The following CNTNAP2 variants were observed in gnomAD, a reference collection of about 807,000 sequenced individuals.
CNTNAP2 encodes the protein contactin-associated protein-like 2.
In CNTNAP2, 98 loss-of-function variants were observed where a neutral mutation model predicts 155.2. That is an observed-to-expected ratio of 0.63 (90% CI 0.54 to 0.75). The LOEUF is 0.75. Among genes scored for constraint, CNTNAP2 ranks in the 30% least tolerant of loss-of-function variants. The pLI, the probability that CNTNAP2 is intolerant of heterozygous loss-of-function variation, is 0.00. For missense variants in CNTNAP2, 1,727 were observed against 1,688.1 expected (o/e 1.02, Z -0.40); for synonymous variants, 651 against 631.2 (o/e 1.03, Z -0.47).
chr7:146,436,919 T>C (rs1276099704), intron 1 of CNTNAP2, among the ~76,000 whole-genome samples: 1 of 151,500 alleles, frequency 6.6e-6, no homozygotes, highest in Admixed American at 6.6e-5. Context: ...TTTGTTGACA[T>C]TGTAGAAATA....
Position 147,667,810 on chromosome 7 carries a change from A to G in CNTNAP2, c.2098+28504A>G, listed in dbSNP as rs535089060. 3.2e-4 allele frequency among the ~76,000 whole-genome samples: 45 copies of G among 140,952 alleles called. 1 individual carries two copies. Among genetic ancestry groups the G allele is most frequent in the South Asian group, 8.5e-4 (4 of 4,698 alleles). 92.5% of individuals were successfully genotyped at this position (140,952 alleles called of 152,430 possible). A position where few individuals can be genotyped will look rare whatever the true frequency, so the allele number is the denominator to read the frequency against. On this transcript the variant is annotated intron_variant, in intron 13 of 23. Coordinates refer to ENST00000361727, the MANE Select transcript of CNTNAP2 (RefSeq NM_014141.6). ...GCTGCTGCTGCAAAAAAAAAAAATA[A>G]TAAAAAAAATAAAATAAAAAAATAA... is the stretch of plus-strand genomic sequence containing the variant.
At chr7:146,610,782 G>A (rs1443524910) in intron 1 of CNTNAP2, among the ~76,000 whole-genome samples, 1 of 152,136 alleles carries the variant, frequency 6.6e-6, no homozygotes, top group Non-Finnish European at 1.5e-5. Context: ...TCATCTGTTA[G>A]CACTTTAACA....
intron 1 of CNTNAP2, among the ~76,000 whole-genome samples, chr7:146,742,821 T>A (rs745856782): frequency 1.3e-5 from 2 of 152,182 alleles, no homozygotes; most frequent in Non-Finnish European, 1.5e-5. Context: ...AAATTGTGTG[T>A]CATTTTTAGG....
intron 2 of CNTNAP2, among the ~76,000 whole-genome samples, chr7:146,787,558 C>T (rs917851631): frequency 2.6e-5 from 4 of 152,092 alleles, no homozygotes; most frequent in Admixed American, 1.3e-4. Context: ...CAGACCTTCA[C>T]GGTGAGTGTT....
chr7:147,933,889 A>G (rs1417810740), intron 14 of CNTNAP2, among the ~76,000 whole-genome samples: 2 of 152,024 alleles, frequency 1.3e-5, no homozygotes, highest in African/African-American at 4.8e-5. Context: ...GAAAAAGAAA[A>G]AGGAGTCCTG....
chr7:147,228,760 A>G (rs1478884132), intron 8 of CNTNAP2, among the ~76,000 whole-genome samples: 1 of 152,026 alleles, frequency 6.6e-6, no homozygotes, highest in Non-Finnish European at 1.5e-5. Context: ...GCACCCATCA[A>G]CCCGTCATCT....
chr7:146,254,660 T>C (rs115136432), intron 1 of CNTNAP2, among the ~76,000 whole-genome samples: 6,313 of 152,244 alleles, frequency 0.041, 400 homozygotes, highest in African/African-American at 0.14. Flanking sequence ...TTATTGTACC[T>C]TTTTTTCTGG....
At chr7:147,620,979 A>G (rs902353733) in intron 12 of CNTNAP2, among the ~76,000 whole-genome samples, 16 of 152,208 alleles carry the variant, frequency 1.1e-4, no homozygotes, top group African/African-American at 3.9e-4. Flanking sequence ...TTCTAAAAGC[A>G]ACAAGAGAAA....
chr7:147,801,626 G>A (rs1239862417), intron 13 of CNTNAP2, among the ~76,000 whole-genome samples: 1 of 152,020 alleles, frequency 6.6e-6, no homozygotes, highest in African/African-American at 2.4e-5. Flanking sequence ...GTTTCAGAGA[G>A]CACAGGGTTG....
chr7:147,400,872 T>A (rs1796900997), intron 10 of CNTNAP2, among the ~76,000 whole-genome samples: 1 of 152,202 alleles, frequency 6.6e-6, no homozygotes. Flanking sequence ...TCTAAGTAAT[T>A]ATGAATTAAG....
chr7:146,781,917 C>T (rs554987896), intron 2 of CNTNAP2, among the ~76,000 whole-genome samples: 4 of 152,280 alleles, frequency 2.6e-5, no homozygotes, highest in South Asian at 2.1e-4. Context: ...TGGCCTAGCT[C>T]CTCCTGCTGG....
intron 8 of CNTNAP2, among the ~76,000 whole-genome samples, chr7:147,193,144 C>G (rs1172264392): frequency 6.6e-6 from 1 of 152,126 alleles, no homozygotes; most frequent in East Asian, 1.9e-4. Context: ...AATTATTTTG[C>G]TTGCTCACAA....
At chr7:147,662,169 C>T (rs369050492) in intron 13 of CNTNAP2, among the ~76,000 whole-genome samples, 5 of 152,326 alleles carry the variant, frequency 3.3e-5, no homozygotes, top group African/African-American at 1.2e-4. Flanking sequence ...CCCTCCCGAT[C>T]TGACATAATG....
chr7:148,122,490 G>A (rs560563610), intron 16 of CNTNAP2, among the ~76,000 whole-genome samples: 2 of 152,304 alleles, frequency 1.3e-5, no homozygotes, highest in African/African-American at 4.8e-5. Context: ...ATGAACGAAG[G>A]TGTCGGAGAC....
At chr7:148,107,523 C>A (rs371301912) in intron 15 of CNTNAP2, among the ~76,000 whole-genome samples, 56 of 152,190 alleles carry the variant, frequency 3.7e-4, no homozygotes, top group African/African-American at 1.4e-3. Flanking sequence ...ACTTGCAGCC[C>A]TTCATTCTAA....
Position 148,419,107 on chromosome 7 carries a change from T to C in CNTNAP2, c.*3491T>C, listed in dbSNP as rs987676286. On this transcript the variant is annotated 3_prime_UTR_variant, in exon 24 of 24. Transcript: ENST00000361727. ...TCTGTTCTTTTCTATCCTACTTTTTTCTCTCTTCCTCTCCTCACCACATTA... is the reference window on the plus strand; with the variant it reads ...TCTGTTCTTTTCTATCCTACTTTTTCCTCTCTTCCTCTCCTCACCACATTA... The C allele has an allele frequency of 2.0e-5, 3 of 152,200 alleles. No individual in the cohort carries two copies. 9.4% of individuals were successfully genotyped at this position (152,200 alleles called of 1,614,324 possible).
intron 3 of CNTNAP2, among the ~76,000 whole-genome samples, chr7:146,985,734 C>A: frequency 6.6e-6 from 1 of 152,138 alleles, no homozygotes; most frequent in South Asian, 2.1e-4. Flanking sequence ...TCTCCCTTTT[C>A]TTTGAAATAA....
intron 10 of CNTNAP2, among the ~76,000 whole-genome samples, chr7:147,398,239 CT>C (rs1211366401): frequency 6.6e-6 from 1 of 152,016 alleles, no homozygotes; most frequent in Non-Finnish European, 1.5e-5. Flanking sequence ...TGATACACCC[CT>C]AGCACATCTC....
At chr7:147,043,294 A>G (rs1313854749) in intron 3 of CNTNAP2, among the ~76,000 whole-genome samples, 2 of 152,166 alleles carry the variant, frequency 1.3e-5, no homozygotes, top group East Asian at 1.9e-4. Flanking sequence ...AAAAAAGACA[A>G]TGTGAACTTT....
Sources: allele counts gnomAD v4.1 joint callset (sites outside exome capture counted in the v4.1 genomes callset), GRCh38; gene constraint gnomAD v4.1.1; transcripts MANE v1.5; gene names NCBI Gene and HGNC (gene_info 2026-07-23, HGNC 2026-07-21).